Variants in GYG2 observed in about 807,000 individuals in gnomAD.
The protein encoded by GYG2 is glycogenin 2.
GYG2 carries 29 observed loss-of-function variants against 29.4 expected under a neutral mutation model. The ratio of observed to expected loss-of-function variants is 0.99; its 90% CI spans 0.74 to 1.35. The LOEUF is 1.35. Ranked by LOEUF, GYG2 falls within the 40% of genes most tolerant of loss-of-function variation. GYG2 has a pLI of 0.00. For synonymous variants in GYG2, 167 were observed against 172.3 expected (o/e 0.97, Z 0.24); for missense variants, 370 against 385.7 (o/e 0.96, Z 0.34).
At chrX:2,876,063 A>C (rs1489743280) in intron 9 of GYG2, 149 bp downstream of exon 9, 33 of 251,551 alleles carry the variant, frequency 1.3e-4, no homozygotes, top group African/African-American at 4.4e-4. Flanking sequence ...TTTTTTTTTG[A>C]GTGGTTTCTC....
chrX:2,869,016 TAAAAA>T (rs34020477), intron 8 of GYG2, among the ~76,000 whole-genome samples: 1 of 96,508 alleles, frequency 1.0e-5, no homozygotes, highest in Non-Finnish European at 2.1e-5. Flanking sequence ...CTGAACATCT[TAAAAA>T]AAAAAAAAAG....
At chrX:2,859,531 T>C (rs1293251647) in intron 6 of GYG2, among the ~76,000 whole-genome samples, 1 of 111,006 alleles carries the variant, frequency 9.0e-6, no homozygotes, top group East Asian at 2.8e-4. Flanking sequence ...TGATCATATA[T>C]TGATTACATG....
chrX:2,863,637 A>T (rs962832128), intron 8 of GYG2, among the ~76,000 whole-genome samples: 3 of 112,491 alleles, frequency 2.7e-5, no homozygotes, highest in Non-Finnish European at 5.6e-5. Context: ...TGCATGAAGA[A>T]TGTCGGAGTG....
At position 2,861,508 on chromosome X, in the gene GYG2, G is replaced by A. The variant is rs954739532; in HGVS notation, c.838-14G>A. The A allele has an allele frequency of 1.0e-5, 12 of 1,183,059 alleles. No homozygotes were observed. Among genetic ancestry groups the A allele is most frequent in the Non-Finnish European group, 1.1e-5 (10 of 872,270 alleles). Reference sequence around the variant, plus strand: ...CATAGGGAAGACTCACTCCACGTGTGTGTTTTTGTGCAGCTTTGCCACAGT... The same window carrying A: ...CATAGGGAAGACTCACTCCACGTGTATGTTTTTGTGCAGCTTTGCCACAGT... On this transcript the variant is annotated splice_polypyrimidine_tract_variant and intron_variant, in intron 7 of 10. Coordinates refer to ENST00000398806, the MANE Select transcript of GYG2 (RefSeq NM_001079855.2).
chrX:2,869,736 C>T (rs2088412140), intron 8 of GYG2, among the ~76,000 whole-genome samples: 2 of 111,572 alleles, frequency 1.8e-5, no homozygotes, highest in Admixed American at 1.9e-4. Context: ...GCCTTGACCT[C>T]CTGGACTCAA....
chrX:2,853,374 T>C (rs2087910923), intron 3 of GYG2: 1 of 110,339 alleles, frequency 9.1e-6, no homozygotes, highest in Non-Finnish European at 1.9e-5. Flanking sequence ...ACCTGGCTAA[T>C]TTTTGTATTT....
intron 3 of GYG2, among the ~76,000 whole-genome samples, chrX:2,848,931 T>C (rs906809951): frequency 3.6e-5 from 4 of 110,447 alleles, no homozygotes; most frequent in African/African-American, 1.3e-4. Flanking sequence ...AATTGAGGGA[T>C]GGCGCTCTGC....
intron 8 of GYG2, among the ~76,000 whole-genome samples, chrX:2,869,427 T>C (rs1224048837): frequency 9.0e-6 from 1 of 111,460 alleles, no homozygotes; most frequent in Non-Finnish European, 1.9e-5. Context: ...CTCCCGGTGG[T>C]CTTTGAAATG....
Position 2,855,145 on chromosome X carries a change from C to A in GYG2, c.477C>A (p.Gly159=), listed in dbSNP as rs2087954488. Reference sequence around the variant, plus strand: ...TGCTACAGCACGCCATGGAACACGGCAGCTTTGACGGTAAGTCAGGGCAGC... The same window carrying A: ...TGCTACAGCACGCCATGGAACACGGAAGCTTTGACGGTAAGTCAGGGCAGC... ...KLLLQHAMEH[G]SFDGADQGLL... Residue 159 remains glycine, a synonymous_variant, in exon 5 of 11, where the codon GGC becomes GGA. Coordinates refer to ENST00000398806, the MANE Select transcript of GYG2 (RefSeq NM_001079855.2). 4 of 1,208,830 alleles carry A rather than the reference C, an allele frequency of 3.3e-6. No individual in the cohort carries two copies. The highest frequency in any genetic ancestry group is 1.8e-5 in the South Asian group (1 of 56,655).
Position 2,854,165 on chromosome X carries a change from ACT to A in GYG2, c.324+16_324+17del. The stretch of plus-strand genomic sequence containing the variant: ...GATGCAGACACTCTGGTGAGTGAAG[ACT>A]CTCTGCTTGATAGGAAACCCTCCAA... On this transcript the variant is annotated intron_variant, in intron 4 of 10. Coordinates refer to ENST00000398806, the MANE Select transcript of GYG2 (RefSeq NM_001079855.2). 4.4e-6 allele frequency: 5 copies of A among 1,142,161 alleles called. No homozygotes were observed. The highest frequency in any genetic ancestry group is 2.5e-5 in the Admixed American group (1 of 40,405). The allele number at this position is 1,142,161 out of a possible 1,213,427, so 94.1% of individuals were successfully genotyped here. A position where few individuals can be genotyped will look rare whatever the true frequency, so the allele number is the denominator to read the frequency against.
chrX:2,839,741 C>T (rs960198591), intron 2 of GYG2, among the ~76,000 whole-genome samples: 26 of 111,035 alleles, frequency 2.3e-4, no homozygotes, highest in African/African-American at 7.9e-4. Context: ...TTTACAATGG[C>T]GAATTTTATG....
intron 7 of GYG2, among the ~76,000 whole-genome samples, chrX:2,860,342 C>T (rs369397178): frequency 9.0e-6 from 1 of 111,466 alleles, no homozygotes; most frequent in East Asian, 2.8e-4. Flanking sequence ...AAGAGACACT[C>T]ATGGACAAGT....
chrX:2,856,495 T>C lies in GYG2; in HGVS notation c.488-3T>C. The C allele has an allele frequency of 8.3e-7, 1 of 1,209,308 alleles. No homozygotes were observed. The highest frequency in any genetic ancestry group is 1.8e-5 in the South Asian group (1 of 56,606). On this transcript the variant is annotated splice_polypyrimidine_tract_variant and splice_region_variant and intron_variant, in intron 5 of 10. Coordinates refer to ENST00000398806, the MANE Select transcript of GYG2 (RefSeq NM_001079855.2). ...CCTGCTTTTGTGTTTGCTCATTATG[T>C]AGGGGCAGACCAAGGCTTACTGAAT...
intron 1 of GYG2, among the ~76,000 whole-genome samples, 199 bp from the exon 2 acceptor site, chrX:2,829,862 G>T (rs1353282232): frequency 1.2e-4 from 13 of 109,691 alleles, no homozygotes; most frequent in South Asian, 8.1e-4. Context: ...AGGACAGGGG[G>T]TCAAGGGGCC....
intron 8 of GYG2, among the ~76,000 whole-genome samples, chrX:2,868,574 G>A (rs764729024): frequency 5.4e-5 from 6 of 110,319 alleles, no homozygotes; most frequent in Admixed American, 3.9e-4. Flanking sequence ...ATACTGCGTC[G>A]GGGAAATTGA....
At position 2,855,077 on chromosome X, in the gene GYG2, G is replaced by C; in HGVS notation, c.409G>C (p.Gly137Arg). 8.3e-7 allele frequency: 1 copy of C among 1,210,723 alleles called. No individual in the cohort carries two copies. Among genetic ancestry groups the C allele is most frequent in the Non-Finnish European group, 1.1e-6 (1 of 894,443 alleles). ...DPGWPDCFNS[G>R]VFVFQPSLHT... is the part of the protein sequence containing the mutation. ...CGGATGGCCGGATTGCTTCAATAGCGGGGTGTTTGTCTTCCAGCCTTCTCT... is the reference window on the plus strand; with the variant it reads ...CGGATGGCCGGATTGCTTCAATAGCCGGGTGTTTGTCTTCCAGCCTTCTCT... Residue 137 changes from glycine to arginine, a missense_variant, in exon 5 of 11, where the codon GGG becomes CGG. Transcript: ENST00000398806.
intron 2 of GYG2, among the ~76,000 whole-genome samples, chrX:2,834,783 G>A (rs932963661): frequency 7.1e-5 from 8 of 112,264 alleles, no homozygotes; most frequent in Non-Finnish European, 1.5e-4. Flanking sequence ...CCTTATGTGT[G>A]CAGCTTATGG....
At position 2,854,862 on chromosome X, in the gene GYG2, G is replaced by T. The variant is rs1434643581; in HGVS notation, c.325-131G>T. On this transcript the variant is annotated intron_variant, in intron 4 of 10. Coordinates refer to ENST00000398806, the MANE Select transcript of GYG2 (RefSeq NM_001079855.2). ...TGGGGGGATCGCTTGAACCCGGGAG[G>T]CGGAGGCCGCAGTGAGCCGAGACTG... 22 of 662,142 alleles carry T rather than the reference G, an allele frequency of 3.3e-5. No homozygotes were observed. The South Asian group carries it at 6.4e-4, about 19-fold the overall frequency. 54.6% of individuals were successfully genotyped at this position (662,142 alleles called of 1,213,427 possible). A position where few individuals can be genotyped will look rare whatever the true frequency, so the allele number is the denominator to read the frequency against.
chrX:2,846,088 A>C, intron 3 of GYG2, among the ~76,000 whole-genome samples: 1 of 55,604 alleles, frequency 1.8e-5, no homozygotes, highest in African/African-American at 8.7e-5. Flanking sequence ...TTTTTTTGAG[A>C]CAGAGTCTCA....
Sources: gnomAD v4.1 joint callset for allele counts (sites outside exome capture counted in the v4.1 genomes callset) on GRCh38, gnomAD v4.1.1 for gene constraint, MANE v1.5 for transcripts, NCBI Gene and HGNC (gene_info 2026-07-23, HGNC 2026-07-21) for gene names.